CCSER1: variants seen among roughly 807,000 people sequenced by gnomAD.
The protein encoded by CCSER1 is coiled-coil serine rich protein 1, also known as serine-rich coiled-coil domain-containing protein 1.
Under a neutral mutation model 82.0 loss-of-function variants are expected in CCSER1, and 41 were observed. The observed-to-expected ratio is 0.50, with a 90% CI of 0.39 to 0.65. The LOEUF is 0.65. Ranked by LOEUF, CCSER1 falls within the 30% of genes least tolerant of loss-of-function variation. The probability of loss-of-function intolerance (pLI) is 0.00; values close to 1 mark genes in which losing one functional copy is unlikely to be tolerated. For synonymous variants in CCSER1, 414 were observed against 383.9 expected (o/e 1.08, Z -0.92); for missense variants, 1,119 against 1,064.2 (o/e 1.05, Z -0.72).
At chr4:90,494,512 G>A (rs959546702) in intron 5 of CCSER1, among the ~76,000 whole-genome samples, 7 of 152,256 alleles carry the variant, frequency 4.6e-5, no homozygotes, top group Admixed American at 3.3e-4. Flanking sequence ...TACATATTTG[G>A]AAGTAAAGCA....
chr4:90,176,471 G>A (rs1389599903), intron 1 of CCSER1, among the ~76,000 whole-genome samples: 7 of 152,020 alleles, frequency 4.6e-5, no homozygotes, highest in African/African-American at 1.7e-4. Flanking sequence ...ACTGGAAACA[G>A]TATTGAACAT....
chr4:90,410,872 C>T (rs532656070), intron 4 of CCSER1, among the ~76,000 whole-genome samples: 5 of 152,164 alleles, frequency 3.3e-5, no homozygotes, highest in African/African-American at 1.2e-4. Context: ...ATTGATAGAC[C>T]ACTAGCAAGA....
intron 1 of CCSER1, among the ~76,000 whole-genome samples, chr4:90,231,766 C>T (rs1222977434): frequency 6.6e-6 from 1 of 152,104 alleles, no homozygotes; most frequent in Non-Finnish European, 1.5e-5. Flanking sequence ...TAAGCAACTT[C>T]AGCAAAGTCT....
rs76606764 is a variant in CCSER1, at chr4:90,844,815, G to T, written c.2094+28970G>T. 6.5e-3 allele frequency among the ~76,000 whole-genome samples: 987 copies of T among 152,156 alleles called. 5 individuals are homozygous for T. Among genetic ancestry groups the T allele is most frequent in the Non-Finnish European group, 7.9e-3 (537 of 68,004 alleles). ...GTGACAGAAGACAGAGGTTTGCATT[G>T]CTCAACAACATATTTGTAGTTGCTA... On this transcript the variant is annotated intron_variant, in intron 8 of 10. Coordinates refer to ENST00000509176, the MANE Select transcript of CCSER1 (RefSeq NM_001145065.2).
intron 5 of CCSER1, among the ~76,000 whole-genome samples, chr4:90,490,312 A>T (rs1767778259): frequency 6.6e-6 from 1 of 152,104 alleles, no homozygotes; most frequent in African/African-American, 2.4e-5. Context: ...TGGCTGCATA[A>T]ATGTCTTCTT....
At chr4:90,143,537 A>G (rs1725221451) in intron 1 of CCSER1, among the ~76,000 whole-genome samples, 1 of 140,544 alleles carries the variant, frequency 7.1e-6, no homozygotes, top group Admixed American at 7.0e-5. Flanking sequence ...CCAGGTATTA[A>G]TATACCATTA....
At chr4:91,257,908 A>G (rs1397626219) in intron 10 of CCSER1, among the ~76,000 whole-genome samples, 1 of 152,072 alleles carries the variant, frequency 6.6e-6, no homozygotes, top group Non-Finnish European at 1.5e-5. Context: ...ACTCATAAAT[A>G]TTTGTGGGAA....
At chr4:90,811,387 C>A (rs568697742) in intron 7 of CCSER1, among the ~76,000 whole-genome samples, 21 of 152,282 alleles carry the variant, frequency 1.4e-4, no homozygotes, top group African/African-American at 4.6e-4. Context: ...TTTTGATTTT[C>A]TTCCTGAAGG....
At chr4:91,436,339 A>C (rs1010115965) in intron 10 of CCSER1, among the ~76,000 whole-genome samples, 1 of 152,146 alleles carries the variant, frequency 6.6e-6, no homozygotes, top group Non-Finnish European at 1.5e-5. Context: ...GCTTTCAATA[A>C]ATGTACTGAT....
chr4:91,462,030 C>T (rs1756530464), intron 10 of CCSER1, among the ~76,000 whole-genome samples: 1 of 152,104 alleles, frequency 6.6e-6, no homozygotes, highest in Non-Finnish European at 1.5e-5. Flanking sequence ...GCTGCTCACT[C>T]AAACAAAAGT....
At chr4:90,840,545 G>A (rs1013530544) in intron 8 of CCSER1, among the ~76,000 whole-genome samples, 3 of 152,090 alleles carry the variant, frequency 2.0e-5, no homozygotes, top group Admixed American at 6.5e-5. Flanking sequence ...GAAGTAGACC[G>A]CCCTGCATTT....
chr4:91,473,639 G>A (rs1757406045), intron 10 of CCSER1, among the ~76,000 whole-genome samples: 1 of 152,056 alleles, frequency 6.6e-6, no homozygotes, highest in Non-Finnish European at 1.5e-5. Context: ...TTAAGATGAT[G>A]ATATATACTT....
intron 1 of CCSER1, among the ~76,000 whole-genome samples, chr4:90,240,091 A>G (rs1746561522): frequency 6.6e-6 from 1 of 152,162 alleles, no homozygotes; most frequent in Non-Finnish European, 1.5e-5. Flanking sequence ...CTCACTGGAG[A>G]GCAGAGAAGT....
intron 5 of CCSER1, among the ~76,000 whole-genome samples, chr4:90,498,015 C>A (rs1327352971): frequency 6.7e-6 from 1 of 150,242 alleles, no homozygotes; most frequent in Non-Finnish European, 1.5e-5. Flanking sequence ...TTTTGATATA[C>A]TTGCTATAAT....
intron 8 of CCSER1, among the ~76,000 whole-genome samples, chr4:90,865,791 T>G (rs1007521127): frequency 1.3e-5 from 2 of 152,018 alleles, no homozygotes; most frequent in African/African-American, 4.8e-5. Flanking sequence ...CATTTTTTAC[T>G]GCCTGTATTA....
Position 91,252,192 on chromosome 4 carries a change from G to GA in CCSER1, c.2217+166207dup, listed in dbSNP as rs947152547. Among the ~76,000 whole-genome samples the GA allele has an allele frequency of 2.1e-4, 31 of 150,854 alleles. No homozygotes were observed. The South Asian group carries it at 2.3e-3, about 11-fold the overall frequency. On this transcript the variant is annotated intron_variant, in intron 10 of 10. Coordinates refer to ENST00000509176, the MANE Select transcript of CCSER1 (RefSeq NM_001145065.2). ...GCCAATATATTCAAAGTGCTGAAAG[G>GA]AAAAAAAAATTGTTGTCAACAAATA...
chr4:91,284,663 G>A (rs74877063), intron 10 of CCSER1, among the ~76,000 whole-genome samples: 102 of 152,026 alleles, frequency 6.7e-4, no homozygotes, highest in East Asian at 7.7e-4. Context: ...ACCAGCATCC[G>A]TCAGATAATC....
chr4:90,570,731 A>G (rs922950216), intron 5 of CCSER1, among the ~76,000 whole-genome samples: 1 of 152,166 alleles, frequency 6.6e-6, no homozygotes, highest in African/African-American at 2.4e-5. Context: ...CGGTCTCCAC[A>G]CTGGAGCACT....
At chr4:90,545,114 G>T (rs1275334711) in intron 5 of CCSER1, among the ~76,000 whole-genome samples, 1 of 152,090 alleles carries the variant, frequency 6.6e-6, no homozygotes, top group Non-Finnish European at 1.5e-5. Context: ...GGCTCTTTGG[G>T]TGGACTAAAG....
Sources: allele counts gnomAD v4.1 joint callset (sites outside exome capture counted in the v4.1 genomes callset), GRCh38; gene constraint gnomAD v4.1.1; transcripts MANE v1.5; gene names NCBI Gene and HGNC (gene_info 2026-07-23, HGNC 2026-07-21).